HCN2: variants seen among roughly 807,000 people sequenced by gnomAD.
HCN2 encodes potassium/sodium hyperpolarization-activated cyclic nucleotide-gated channel 2.
Under a neutral mutation model 52.3 loss-of-function variants are expected in HCN2, and 20 were observed. The ratio of observed to expected loss-of-function variants is 0.38; its 90% confidence interval spans 0.27 to 0.56. The LOEUF (loss-of-function observed/expected upper bound fraction) is 0.56. Among genes scored for constraint, HCN2 ranks in the 20% least tolerant of loss-of-function variants. HCN2 has a pLI of 0.71. For synonymous variants in HCN2, 694 were observed against 537.0 expected (o/e 1.29, Z -4.04); for missense variants, 981 against 1,207.7 (o/e 0.81, Z 2.78).
Position 604,343 on chromosome 19 carries a change from T to C in HCN2, c.1056+376T>C, listed in dbSNP as rs991237816. On this transcript the variant is annotated intron_variant, in intron 2 of 7. Transcript: ENST00000251287. ...GGTCAAGGCCCCAGGGGTGGGGCTATGAGGGTGCAGGGGTGGAGCTACAAT... is the reference window on the plus strand; with the variant it reads ...GGTCAAGGCCCCAGGGGTGGGGCTACGAGGGTGCAGGGGTGGAGCTACAAT... Among the ~76,000 whole-genome samples the C allele has an allele frequency of 1.8e-4, 26 of 141,166 alleles. No individual in the cohort carries two copies. In the East Asian group the frequency reaches 5.8e-3, roughly 31 times the overall value. The allele number at this position is 141,166 out of a possible 152,430, so 92.6% of individuals were successfully genotyped here. A position where few individuals can be genotyped will look rare whatever the true frequency, so the allele number is the denominator to read the frequency against.
At chr19:597,943 G>T (rs1040565690) in intron 1 of HCN2, among the ~76,000 whole-genome samples, 1 of 146,878 alleles carries the variant, frequency 6.8e-6, no homozygotes, top group African/African-American at 2.7e-5. Context: ...CCCCTCGTGG[G>T]GGAGGTTTCT....
Position 603,688 on chromosome 19 carries a change from G to T in HCN2, c.777G>T (p.Leu259=). 1 of 1,612,782 alleles carries T rather than the reference G, an allele frequency of 6.2e-7. No individual in the cohort carries two copies. Among genetic ancestry groups the T allele is most frequent in the Non-Finnish European group, 8.5e-7 (1 of 1,179,750 alleles). The change falls in exon 2 of 8, where the codon CTG becomes CTT. Residue 259 remains leucine, a synonymous_variant. Coordinates refer to ENST00000251287, the MANE Select transcript of HCN2 (RefSeq NM_001194.4). ...CGGACACCTTCTTCCTCATGGACCT[G>T]GTGTTGAACTTCCGCACCGGCATTG... is the stretch of plus-strand genomic sequence containing the variant. ...VVSDTFFLMD[L]VLNFRTGIVI...
intron 7 of HCN2, among the ~76,000 whole-genome samples, 188 bp downstream of exon 7, chr19:614,204 C>T (rs917434520): frequency 1.3e-5 from 2 of 152,146 alleles, no homozygotes; most frequent in African/African-American, 4.8e-5. Context: ...GTGGCTGGGG[C>T]AGGGGCAGCG....
At chr19:614,465 A>AGGTGGGGCC (rs1983812219) in intron 7 of HCN2, among the ~76,000 whole-genome samples, 1 of 152,258 alleles carries the variant, frequency 6.6e-6, no homozygotes, top group South Asian at 2.1e-4. Flanking sequence ...CCAGCAGGGC[A>AGGTGGGGCC]GGTGGGGCCG....
intron 6 of HCN2, among the ~76,000 whole-genome samples, 178 bp downstream of exon 6, chr19:613,666 G>GC (rs1983759640): frequency 1.1e-5 from 1 of 90,586 alleles, no homozygotes; most frequent in Non-Finnish European, 2.2e-5. Flanking sequence ...TGGGGCCGGG[G>GC]ATGGGGATGG....
At chr19:595,389 C>G (rs1982997801) in intron 1 of HCN2, among the ~76,000 whole-genome samples, 1 of 152,034 alleles carries the variant, frequency 6.6e-6, no homozygotes, top group Non-Finnish European at 1.5e-5. Flanking sequence ...CAGCATGGGC[C>G]TCTCCAGACA....
At chr19:600,283 C>T (rs1983161754) in intron 1 of HCN2, among the ~76,000 whole-genome samples, 2 of 152,192 alleles carry the variant, frequency 1.3e-5, no homozygotes, top group South Asian at 2.1e-4. Flanking sequence ...AACAATTCAC[C>T]TGCTTCAGCG....
rs924538315 is a variant in HCN2, at chr19:616,950, G to A, written c.*476G>A. 5 of 405,764 alleles carry A rather than the reference G, an allele frequency of 1.2e-5. No individual in the cohort carries two copies. Among genetic ancestry groups the A allele is most frequent in the African/African-American group, 2.1e-5 (1 of 47,986 alleles). The allele number at this position is 405,764 out of a possible 1,614,324, so 25.1% of individuals were successfully genotyped here. A position where few individuals can be genotyped will look rare whatever the true frequency, so the allele number is the denominator to read the frequency against. ...CGGCCCCCGTCCGCGCGCGTCCCCC[G>A]GTGACCTCGGGGAGCAGCACCCCGC... On this transcript the variant is annotated 3_prime_UTR_variant, in exon 8 of 8. Coordinates refer to ENST00000251287, the MANE Select transcript of HCN2 (RefSeq NM_001194.4).
intron 1 of HCN2, among the ~76,000 whole-genome samples, chr19:593,392 G>A (rs1223140730): frequency 1.3e-5 from 2 of 152,158 alleles, no homozygotes; most frequent in East Asian, 1.9e-4. Flanking sequence ...TGAGGCGGGC[G>A]GATCACCTGA....
At chr19:613,198 G>C in intron 5 of HCN2, 50 bp from the exon 6 acceptor site, 1 of 1,558,012 alleles carries the variant, frequency 6.4e-7, no homozygotes, top group Non-Finnish European at 8.7e-7. Context: ...GGGCGAGGGG[G>C]AAGCGGGAGT....
chr19:611,943 C>T (rs528408032), intron 5 of HCN2, among the ~76,000 whole-genome samples: 170 of 152,188 alleles, frequency 1.1e-3, no homozygotes, highest in Middle Eastern at 3.4e-3. Context: ...GTCAGGAGTT[C>T]GAGACCAGCC....
chr19:597,481 C>A (rs558714501), intron 1 of HCN2, among the ~76,000 whole-genome samples: 1 of 151,976 alleles, frequency 6.6e-6, no homozygotes, highest in Admixed American at 6.5e-5. Context: ...CTGGTGGTTT[C>A]TAGGTCTCCT....
Position 608,078 on chromosome 19 carries a change from A to G in HCN2, c.1333A>G (p.Met445Val), listed in dbSNP as rs1983483782. 1 of 1,613,102 alleles carries G rather than the reference A, an allele frequency of 6.2e-7. No homozygotes were observed. The highest frequency in any genetic ancestry group is 8.5e-7 in the Non-Finnish European group (1 of 1,180,022). Reference protein sequence around the residue: ...PESMTDIWLTMLSMIVGATCY... With the variant: ...PESMTDIWLTVLSMIVGATCY... The stretch of plus-strand genomic sequence containing the variant: ...GAGCATGACGGACATCTGGCTGACC[A>G]TGCTCAGCATGATTGTGGGTGCCAC... The change falls in exon 4 of 8, where the codon ATG becomes GTG. Residue 445 changes from methionine (M) to valine (V), a missense_variant. By Grantham distance (21) the Met-to-Val change is conservative (BLOSUM62 1). This residue lies in a region of HCN2 where 282 missense variants were observed against 553.8 expected (regional missense o/e 0.51). Coordinates refer to ENST00000251287, the MANE Select transcript of HCN2 (RefSeq NM_001194.4).
rs147181779 is a variant in HCN2 at position 610,202 on chromosome 19, C to G, written c.1438-57C>G. On this transcript the variant is annotated intron_variant, in intron 4 of 7. Transcript: ENST00000251287. ...CTCCCCACAGTACAAGCAGGTGCCC[C>G]TGTGCCCGCTGCAGGCCGGGGGCGG... 2.1e-4 allele frequency: 333 copies of G among 1,557,130 alleles called. 2 individuals carry two copies. The highest frequency in any genetic ancestry group is 6.0e-4 in the Middle Eastern group (3 of 4,992).
At position 604,342 on chromosome 19, in the gene HCN2, A is replaced by G. The variant is rs371982176; in HGVS notation, c.1056+375A>G. ...GGGTCAAGGCCCCAGGGGTGGGGCT[A>G]TGAGGGTGCAGGGGTGGAGCTACAA... On this transcript the variant is annotated intron_variant, in intron 2 of 7. Coordinates refer to ENST00000251287, the MANE Select transcript of HCN2 (RefSeq NM_001194.4). 7.5e-5 allele frequency among the ~76,000 whole-genome samples: 11 copies of G among 146,038 alleles called. 1 individual carries two copies. The East Asian group carries it at 1.9e-3, about 26-fold the overall frequency.
rs1983925222 is a variant in HCN2 at position 616,382 on chromosome 19, A to T, written c.2578A>T (p.Ser860Cys). 4.1e-6 allele frequency: 5 copies of T among 1,230,406 alleles called. No individual in the cohort carries two copies. Among genetic ancestry groups the T allele is most frequent in the Non-Finnish European group, 5.1e-6 (5 of 979,108 alleles). 76.2% of individuals were successfully genotyped at this position (1,230,406 alleles called of 1,614,324 possible). ...PTPAARAAAP[S>C]PDRRDSASPG... is the part of the protein sequence containing the mutation. ...GCCCGCTGCCCGGGCCGCCGCGCCC[A>T]GCCCGGACCGCAGGGACTCGGCCTC... The change falls in exon 8 of 8, where the codon AGC becomes TGC. Residue 860 changes from serine (S) to cysteine (C), a missense_variant. By Grantham distance (112) the Ser-to-Cys change is moderately radical (BLOSUM62 -1). This residue lies in a region of HCN2 where 368 missense variants were observed against 314.8 expected (regional missense o/e 1.17). Coordinates refer to ENST00000251287, the MANE Select transcript of HCN2 (RefSeq NM_001194.4).
Position 590,618 on chromosome 19 carries a change from G to A in HCN2, c.632+41G>A. 7.7e-7 allele frequency: 1 copy of A among 1,306,118 alleles called. No homozygotes were observed. Among genetic ancestry groups the A allele is most frequent in the South Asian group, 2.3e-5 (1 of 44,032 alleles). The allele number at this position is 1,306,118 out of a possible 1,614,324, so 80.9% of individuals were successfully genotyped here. On this transcript the variant is annotated intron_variant, in intron 1 of 7. Transcript: ENST00000251287. This position sits in a 1 kb window ranked among gnomAD's most constrained non-coding sequence, Gnocchi z 7.2. ...GGGCCGGTCGGCGCGAGGGGGCCCGGGGAGCCGGGCGCGCGGGGAGCCGTC... is the reference window on the plus strand; with the variant it reads ...GGGCCGGTCGGCGCGAGGGGGCCCGAGGAGCCGGGCGCGCGGGGAGCCGTC...
At position 603,811 on chromosome 19, in the gene HCN2, C is replaced by A. The variant is rs761255780; in HGVS notation, c.900C>A (p.Pro300=). Residue 300 remains proline, a synonymous_variant, in exon 2 of 8, where the codon CCC becomes CCA. Transcript: ENST00000251287. ...TGGTGGACTTCGTGTCCTCCATCCC[C>A]GTGGACTACATCTTCCTTATCGTGG... ...WFVVDFVSSI[P]VDYIFLIVEK... is the part of the protein sequence containing the mutation. 1 of 1,612,812 alleles carries A rather than the reference C, an allele frequency of 6.2e-7. No homozygotes were observed. Among genetic ancestry groups the A allele is most frequent in the Non-Finnish European group, 8.5e-7 (1 of 1,179,860 alleles).
Position 617,106 on chromosome 19 carries a change from C to T in HCN2, c.*632C>T. ...GTGCCCCCACCGTGGCCCCCCACGC[C>T]CCATTAACCCCCACACCCCCATTCC... is the stretch of plus-strand genomic sequence containing the variant. On this transcript the variant is annotated 3_prime_UTR_variant, in exon 8 of 8. Coordinates refer to ENST00000251287, the MANE Select transcript of HCN2 (RefSeq NM_001194.4). The T allele has an allele frequency of 1.9e-6, 1 of 530,392 alleles. No individual in the cohort carries two copies. The highest frequency in any genetic ancestry group is 1.9e-5 in the South Asian group (1 of 51,674). 32.9% of individuals were successfully genotyped at this position (530,392 alleles called of 1,614,324 possible). A position where few individuals can be genotyped will look rare whatever the true frequency, so the allele number is the denominator to read the frequency against.
Sources: gnomAD v4.1 joint callset for allele counts (sites outside exome capture counted in the v4.1 genomes callset) on GRCh38, gnomAD v4.1.1 for gene constraint, gnomAD v4.1.1 regional missense constraint, Gnocchi (gnomAD v3.1) non-coding constraint, MANE v1.5 for transcripts, NCBI Gene and HGNC (gene_info 2026-07-23, HGNC 2026-07-21) for gene names.